The following SBF2 variants were observed in gnomAD, a reference collection of about 807,000 sequenced individuals.
The protein encoded by SBF2 is myotubularin-related protein 13.
In SBF2, 112 loss-of-function variants were observed where a neutral mutation model predicts 225.2. The observed-to-expected ratio is 0.50, with a 90% CI of 0.43 to 0.58. SBF2 has a LOEUF of 0.58. Among genes scored for constraint, SBF2 ranks in the 20% least tolerant of loss-of-function variants. SBF2 has a pLI of 0.00. For missense variants in SBF2, 1,996 were observed against 2,206.2 expected, an observed-to-expected ratio of 0.90 and a Z score of 1.91; for synonymous variants, 763 against 773.3, an observed-to-expected ratio of 0.99 and a Z score of 0.22.
intron 32 of SBF2, among the ~76,000 whole-genome samples, chr11:9,805,595 G>A (rs1356581741): frequency 6.6e-6 from 1 of 152,076 alleles, no homozygotes; most frequent in Non-Finnish European, 1.5e-5. Context: ...GGAAGATTAT[G>A]CCAGCAATTC....
intron 16 of SBF2, among the ~76,000 whole-genome samples, chr11:9,950,540 T>G (rs1465219760): frequency 2.6e-5 from 4 of 152,218 alleles, no homozygotes; most frequent in Admixed American, 2.0e-4. Context: ...TCAGCTATGA[T>G]GATTGTAACT....
chr11:10,210,367 G>GGGAGAGGAGGAGGAGGAAGAGAA, intron 1 of SBF2, among the ~76,000 whole-genome samples: 1 of 151,532 alleles, frequency 6.6e-6, no homozygotes, highest in East Asian at 1.9e-4. Flanking sequence ...AGGAGGAGGA[G>GGGAGAGGAGGAGGAGGAAGAGAA]GGAGAGGAGG....
intron 6 of SBF2, among the ~76,000 whole-genome samples, chr11:10,011,732 A>G (rs1345485797): frequency 4.6e-5 from 7 of 152,132 alleles, no homozygotes; most frequent in Admixed American, 4.6e-4. Flanking sequence ...CAATAATATT[A>G]TAGTTCTATT....
intron 17 of SBF2, among the ~76,000 whole-genome samples, chr11:9,869,917 T>C (rs1858578679): frequency 6.6e-6 from 1 of 152,198 alleles, no homozygotes. Flanking sequence ...CAAATTATCT[T>C]TGTTTGCTGA....
At chr11:9,936,138 T>C (rs1864880892) in intron 16 of SBF2, among the ~76,000 whole-genome samples, 1 of 152,102 alleles carries the variant, frequency 6.6e-6, no homozygotes. Context: ...AAAAAGTGGG[T>C]GAAGTATATC....
intron 16 of SBF2, among the ~76,000 whole-genome samples, chr11:9,945,569 G>A (rs1865514426): frequency 1.3e-5 from 2 of 151,924 alleles, no homozygotes; most frequent in Non-Finnish European, 2.9e-5. Flanking sequence ...TCCAAAAGCA[G>A]GTGCAACAAA....
At chr11:10,113,125 C>G (rs1267311298) in intron 2 of SBF2, among the ~76,000 whole-genome samples, 4 of 152,106 alleles carry the variant, frequency 2.6e-5, no homozygotes, top group Non-Finnish European at 5.9e-5. Flanking sequence ...TCCCAAGTAG[C>G]TGGGACCAGA....
chr11:9,971,747 G>A (rs1946468646), intron 13 of SBF2, among the ~76,000 whole-genome samples: 1 of 152,068 alleles, frequency 6.6e-6, no homozygotes, highest in African/African-American at 2.4e-5. Flanking sequence ...CTAAAGAGTT[G>A]GTCCTATAAT....
chr11:10,078,785 A>G (rs1282591022), intron 2 of SBF2, among the ~76,000 whole-genome samples: 1 of 152,184 alleles, frequency 6.6e-6, no homozygotes, highest in Non-Finnish European at 1.5e-5. Flanking sequence ...TAATAATAAA[A>G]AACAAATTTA....
chr11:9,986,346 A>T (rs983164616), intron 13 of SBF2, among the ~76,000 whole-genome samples: 3 of 152,186 alleles, frequency 2.0e-5, no homozygotes, highest in African/African-American at 7.2e-5. Context: ...GAGCACAAAC[A>T]GACAATCTAA....
At chr11:9,959,547 G>C in intron 16 of SBF2, 1 of 781,702 alleles carries the variant, frequency 1.3e-6, no homozygotes, top group African/African-American at 1.7e-5. Context: ...CCTTGTGGAA[G>C]GGGTCCCAAA....
chr11:10,072,357 T>G (rs1565197779), intron 2 of SBF2, among the ~76,000 whole-genome samples: 1 of 152,224 alleles, frequency 6.6e-6, no homozygotes, highest in Non-Finnish European at 1.5e-5. Flanking sequence ...GCACAAAGTG[T>G]TGACATTTCA....
intron 2 of SBF2, among the ~76,000 whole-genome samples, chr11:10,134,608 C>A (rs907626849): frequency 6.6e-6 from 1 of 152,046 alleles, no homozygotes; most frequent in African/African-American, 2.4e-5. Context: ...AGAAATTGAC[C>A]AAAACAAAGG....
At chr11:9,794,774 T>A (rs1853012952) in intron 33 of SBF2, among the ~76,000 whole-genome samples, 1 of 149,750 alleles carries the variant, frequency 6.7e-6, no homozygotes, top group South Asian at 2.1e-4. Flanking sequence ...ATGCAGATGC[T>A]TAAGAAATTA....
intron 13 of SBF2, among the ~76,000 whole-genome samples, chr11:9,981,486 C>T (rs903756828): frequency 2.0e-5 from 3 of 152,092 alleles, no homozygotes; most frequent in Non-Finnish European, 2.9e-5. Context: ...CGTTTGAAAT[C>T]GGCAAAAACA....
intron 2 of SBF2, among the ~76,000 whole-genome samples, chr11:10,092,675 A>G (rs1474905516): frequency 6.6e-6 from 1 of 152,208 alleles, no homozygotes; most frequent in Non-Finnish European, 1.5e-5. Context: ...CTATTGGTGA[A>G]AGGAATGAAA....
At position 10,107,892 on chromosome 11, in the gene SBF2, TCAACC is replaced by T. The variant is rs1590971338; in HGVS notation, c.142-64916_142-64912del. On this transcript the variant is annotated intron_variant, in intron 2 of 39. Coordinates refer to ENST00000256190, the MANE Select transcript of SBF2 (RefSeq NM_030962.4). ...ACATCTTTTGGGGTGGGGACACCAT[TCAACC>T]CACTACAAAGCTCTAGTGACAGAAA... is the stretch of plus-strand genomic sequence containing the variant. Among the ~76,000 whole-genome samples, 3 of 152,206 alleles carry T rather than the reference TCAACC, an allele frequency of 2.0e-5. No homozygotes were observed. In the East Asian group the frequency reaches 5.8e-4, roughly 29 times the overall value.
intron 1 of SBF2, among the ~76,000 whole-genome samples, chr11:10,205,006 TG>T (rs1404271541): frequency 8.4e-6 from 1 of 119,510 alleles, no homozygotes; most frequent in Admixed American, 8.6e-5. Flanking sequence ...CGCGGCCTGT[TG>T]GGGGGAGGTG....
intron 2 of SBF2, among the ~76,000 whole-genome samples, chr11:10,048,478 T>G (rs1437065887): frequency 6.6e-6 from 1 of 152,216 alleles, no homozygotes; most frequent in Non-Finnish European, 1.5e-5. Flanking sequence ...AATAAAAAAG[T>G]CAGTTTTAAT....
Sources: allele counts gnomAD v4.1 joint callset (sites outside exome capture counted in the v4.1 genomes callset), GRCh38; gene constraint gnomAD v4.1.1; transcripts MANE v1.5; gene names NCBI Gene and HGNC (gene_info 2026-07-23, HGNC 2026-07-21).